Variants in SNX30 observed in about 807,000 individuals in gnomAD.
SNX30 encodes the protein sorting nexin-30.
A neutral mutation model predicts 46.4 loss-of-function variants in SNX30; 24 were observed. The ratio of observed to expected loss-of-function variants is 0.52; its 90% CI spans 0.37 to 0.73. SNX30 has a LOEUF of 0.73. Ranked by LOEUF, SNX30 falls within the 30% of genes least tolerant of loss-of-function variation. SNX30 has a pLI of 0.00. For missense variants in SNX30, 533 were observed against 555.7 expected (o/e 0.96, Z 0.41); for synonymous variants, 189 against 211.5 (o/e 0.89, Z 0.92).
chr9:112,792,164 G>T (rs1262259876), intron 1 of SNX30, among the ~76,000 whole-genome samples: 1 of 152,174 alleles, frequency 6.6e-6, no homozygotes, highest in East Asian at 1.9e-4. Context: ...GTTCATGAGT[G>T]CTCACTGTGA....
At chr9:112,865,565 C>G (rs904905025) in intron 8 of SNX30, among the ~76,000 whole-genome samples, 4 of 147,054 alleles carry the variant, frequency 2.7e-5, no homozygotes, top group Non-Finnish European at 4.5e-5. Context: ...TACAGTGAGT[C>G]ATGATTGTGC....
At chr9:112,784,899 A>T (rs1839897467) in intron 1 of SNX30, among the ~76,000 whole-genome samples, 1 of 152,140 alleles carries the variant, frequency 6.6e-6, no homozygotes, top group Middle Eastern at 3.2e-3. Flanking sequence ...TAAATTCCTT[A>T]TTGGCTCCCT....
intron 1 of SNX30, among the ~76,000 whole-genome samples, chr9:112,764,441 T>C (rs1839498867): frequency 6.6e-6 from 1 of 152,172 alleles, no homozygotes; most frequent in Non-Finnish European, 1.5e-5. Flanking sequence ...AGGAGGGCAG[T>C]GGCACAATCA....
intron 6 of SNX30, among the ~76,000 whole-genome samples, chr9:112,840,367 T>G (rs1840835479): frequency 1.3e-5 from 2 of 152,204 alleles, no homozygotes; most frequent in African/African-American, 2.4e-5. Context: ...TAAAAAAAAT[T>G]GGGATATACA....
intron 3 of SNX30, among the ~76,000 whole-genome samples, chr9:112,823,482 G>A (rs954514235): frequency 6.6e-6 from 1 of 152,164 alleles, no homozygotes; most frequent in Non-Finnish European, 1.5e-5. Context: ...ATTTCCTGGA[G>A]CACTAGTTAC....
intron 3 of SNX30, among the ~76,000 whole-genome samples, chr9:112,819,352 T>A (rs4604521): frequency 6.7e-6 from 1 of 149,908 alleles, no homozygotes; most frequent in Non-Finnish European, 1.5e-5. Context: ...CTGCAACCTC[T>A]GCCCCCGGAG....
At chr9:112,818,677 C>G (rs188614165) in intron 3 of SNX30, among the ~76,000 whole-genome samples, 43 of 152,278 alleles carry the variant, frequency 2.8e-4, no homozygotes, top group South Asian at 1.0e-3. Context: ...TATCTTTCAG[C>G]AAAAACCTTT....
At chr9:112,767,381 TG>T (rs1839560583) in intron 1 of SNX30, among the ~76,000 whole-genome samples, 1 of 152,202 alleles carries the variant, frequency 6.6e-6, no homozygotes. Flanking sequence ...TCTCCCATTC[TG>T]TAAGTGCCTT....
In SNX30 at chr9:112,804,983, A is replaced by G. The variant is rs756269058; in HGVS notation, c.348+16A>G. 1 of 1,565,520 alleles carries G rather than the reference A, an allele frequency of 6.4e-7. No individual in the cohort carries two copies. The highest frequency in any genetic ancestry group is 1.2e-5 in the South Asian group (1 of 83,706). ...CACCACCAAAGTAGGTCCCTGTGTTATAGAATGCCCGTGTTGAGTGGTCTC... is the reference window on the plus strand; with the variant it reads ...CACCACCAAAGTAGGTCCCTGTGTTGTAGAATGCCCGTGTTGAGTGGTCTC... On this transcript the variant is annotated intron_variant, in intron 2 of 8. Transcript: ENST00000374232.
At chr9:112,838,191 G>T (rs767309802) in intron 5 of SNX30, among the ~76,000 whole-genome samples, 21 of 152,202 alleles carry the variant, frequency 1.4e-4, no homozygotes, top group South Asian at 4.1e-4. Context: ...CCAGGCCAGC[G>T]AGTGGTTATT....
rs1420656825 is a variant in SNX30 at position 112,850,932 on chromosome 9, A to G, written c.1088A>G (p.Glu363Gly). The G allele has an allele frequency of 6.2e-7, 1 of 1,613,914 alleles. No individual in the cohort carries two copies. Among genetic ancestry groups the G allele is most frequent in the Non-Finnish European group, 8.5e-7 (1 of 1,179,976 alleles). ...AKLEAVALRK[E>G]DRPKVPADVE... is the part of the protein sequence containing the mutation. ...CTGGAAGCTGTGGCTCTGCGGAAGG[A>G]AGACCGCCCCAAGGTCAGGGAAGCC... The change falls in exon 7 of 9, where the codon GAA (glutamate) becomes GGA (glycine). Residue 363 changes from glutamate (E) to glycine (G), a missense_variant. By Grantham distance (98) the Glu-to-Gly change is moderately conservative. Coordinates refer to ENST00000374232, the MANE Select transcript of SNX30 (RefSeq NM_001012994.2).
intron 1 of SNX30, among the ~76,000 whole-genome samples, chr9:112,775,069 C>T (rs1381560232): frequency 6.6e-6 from 1 of 151,478 alleles, no homozygotes; most frequent in African/African-American, 2.4e-5. Context: ...TGGTCTCAAA[C>T]TCCTGACCTC....
chr9:112,818,321 C>T (rs1440024280), intron 3 of SNX30, among the ~76,000 whole-genome samples: 1 of 151,812 alleles, frequency 6.6e-6, no homozygotes, highest in East Asian at 1.9e-4. Flanking sequence ...CCTGCCCCTA[C>T]CAGGTTCAAG....
intron 5 of SNX30, 125 bp downstream of exon 5, chr9:112,836,534 A>T (rs1283821716): frequency 2.9e-6 from 3 of 1,032,144 alleles, no homozygotes; most frequent in Non-Finnish European, 4.1e-6. Context: ...TCTTTTGCTT[A>T]TCAAAGAAAT....
intron 7 of SNX30, among the ~76,000 whole-genome samples, chr9:112,860,453 TG>T (rs1366491946): frequency 6.6e-6 from 1 of 152,228 alleles, no homozygotes; most frequent in Non-Finnish European, 1.5e-5. Context: ...TCTGAGCCTT[TG>T]GTGGCATTAG....
rs1588101839 is a variant in SNX30, at chr9:112,750,960, G to A, written c.-42G>A. ...CTCGGGGAGCTCGCCGCGGCGGGCA[G>A]CAGGAGGAAGCGGCGGCGGCGCGTC... On this transcript the variant is annotated 5_prime_UTR_variant, in exon 1 of 9. Transcript: ENST00000374232. 2.5e-6 allele frequency: 3 copies of A among 1,205,146 alleles called. No homozygotes were observed. The East Asian group carries it at 1.0e-4, about 42-fold the overall frequency. 74.7% of individuals were successfully genotyped at this position (1,205,146 alleles called of 1,614,324 possible). A position where few individuals can be genotyped will look rare whatever the true frequency, so the allele number is the denominator to read the frequency against.
intron 6 of SNX30, among the ~76,000 whole-genome samples, 189 bp downstream of exon 6, chr9:112,838,886 CA>C (rs932111247): frequency 4.8e-4 from 71 of 146,522 alleles, no homozygotes; most frequent in African/African-American, 1.6e-3. Flanking sequence ...GTGAATTAAA[CA>C]AAAAAAAAAG....
At chr9:112,844,451 T>C (rs1446683722) in intron 6 of SNX30, among the ~76,000 whole-genome samples, 1 of 152,072 alleles carries the variant, frequency 6.6e-6, no homozygotes, top group African/African-American at 2.4e-5. Context: ...CTGAGACCGA[T>C]GGAGATTGTA....
chr9:112,809,079 A>T (rs1033123735), intron 2 of SNX30, among the ~76,000 whole-genome samples: 1 of 134,918 alleles, frequency 7.4e-6, no homozygotes, highest in African/African-American at 2.8e-5. Flanking sequence ...CCCAAAAGAC[A>T]TGATTTTCTT....
Sources: allele counts gnomAD v4.1 joint callset (sites outside exome capture counted in the v4.1 genomes callset), GRCh38; gene constraint gnomAD v4.1.1; transcripts MANE v1.5; gene names NCBI Gene and HGNC (gene_info 2026-07-23, HGNC 2026-07-21).